The following LCMT1 variants were observed in gnomAD, a reference collection of about 807,000 sequenced individuals.
LCMT1 encodes [Phosphatase 2A protein]-leucine-carboxy methyltransferase 1.
In LCMT1, 32 loss-of-function variants were observed where a neutral mutation model predicts 47.7. The ratio of observed to expected loss-of-function variants is 0.67; its 90% CI spans 0.51 to 0.90. The LOEUF (loss-of-function observed/expected upper bound fraction) is 0.90. LCMT1 is among the 40% of genes least tolerant of loss of function. The probability of loss-of-function intolerance (pLI) is 0.00; values close to 1 mark genes in which losing one functional copy is unlikely to be tolerated. For missense variants in LCMT1, 375 were observed against 415.2 expected (o/e 0.90, Z 0.84); for synonymous variants, 152 against 149.7 (o/e 1.02, Z -0.11).
intron 7 of LCMT1, among the ~76,000 whole-genome samples, chr16:25,167,744 A>G (rs1302071314): frequency 6.6e-6 from 1 of 152,104 alleles, no homozygotes; most frequent in Non-Finnish European, 1.5e-5. Flanking sequence ...TGAATTTTAC[A>G]TATATTAACT....
Position 25,174,896 on chromosome 16 carries a change from A to G in LCMT1, c.885-41A>G, listed in dbSNP as rs146593494. On this transcript the variant is annotated intron_variant, in intron 9 of 10. Coordinates refer to ENST00000399069, the MANE Select transcript of LCMT1 (RefSeq NM_016309.3). ...CTATGGGCCATGATCTTCATTTTCA[A>G]TGCAGACACTTGCATCGTTCTATTT... The G allele has an allele frequency of 2.8e-4, 304 of 1,079,236 alleles. 1 individual carries two copies. Among genetic ancestry groups the G allele is most frequent in the African/African-American group, 7.6e-4 (48 of 63,078 alleles). The allele number at this position is 1,079,236 out of a possible 1,614,324, so 66.9% of individuals were successfully genotyped here.
chr16:25,175,281 G>A (rs1037392155), intron 10 of LCMT1, among the ~76,000 whole-genome samples: 1 of 151,928 alleles, frequency 6.6e-6, no homozygotes, highest in Non-Finnish European at 1.5e-5. Context: ...GACTACAGGA[G>A]CCTGGCTAAT....
chr16:25,170,324 A>G (rs1961718023), intron 8 of LCMT1, among the ~76,000 whole-genome samples: 1 of 152,144 alleles, frequency 6.6e-6, no homozygotes. Flanking sequence ...TTCTTCCTTT[A>G]TTTCTCTTTG....
intron 8 of LCMT1, among the ~76,000 whole-genome samples, chr16:25,170,226 AAATT>A (rs772111731): frequency 1.3e-5 from 2 of 152,100 alleles, no homozygotes; most frequent in East Asian, 1.9e-4. Flanking sequence ...TCTCAAAAAA[AAATT>A]AAATAAATAA....
intron 7 of LCMT1, among the ~76,000 whole-genome samples, chr16:25,168,324 C>T (rs1213197028): frequency 6.6e-6 from 1 of 152,086 alleles, no homozygotes; most frequent in African/African-American, 2.4e-5. Flanking sequence ...GCTGAGATTA[C>T]AGACATGGCC....
At chr16:25,159,673 G>A (rs1961361678) in intron 5 of LCMT1, among the ~76,000 whole-genome samples, 1 of 152,136 alleles carries the variant, frequency 6.6e-6, no homozygotes, top group Non-Finnish European at 1.5e-5. Flanking sequence ...AGGCTCTTAG[G>A]AGGTGTTTCT....
intron 1 of LCMT1, among the ~76,000 whole-genome samples, chr16:25,121,295 A>C (rs1959980022): frequency 6.6e-6 from 1 of 152,046 alleles, no homozygotes; most frequent in Non-Finnish European, 1.5e-5. Flanking sequence ...CTGTAATCCC[A>C]GCTGCTTGGG....
chr16:25,165,488 T>C (rs1961560959), intron 7 of LCMT1, among the ~76,000 whole-genome samples: 1 of 151,830 alleles, frequency 6.6e-6, no homozygotes, highest in Admixed American at 6.6e-5. Context: ...ATAACCCCTC[T>C]GTGCCTGTTT....
chr16:25,175,442 G>T (rs956782239), intron 10 of LCMT1, among the ~76,000 whole-genome samples: 2 of 149,124 alleles, frequency 1.3e-5, no homozygotes, highest in Non-Finnish European at 3.0e-5. Context: ...TGGCCAACAT[G>T]ATGAAACCCC....
At chr16:25,164,545 G>T (rs1961528994) in intron 6 of LCMT1, 53 bp from the exon 7 acceptor site, 2 of 1,611,320 alleles carry the variant, frequency 1.2e-6, no homozygotes, top group Non-Finnish European at 1.7e-6. Context: ...ACAATTAGAG[G>T]GTCCTGACTT....
rs1961678077 is a variant in LCMT1 at position 25,169,189 on chromosome 16, G to A, written c.768G>A (p.Glu256=). Residue 256 remains glutamate (E), a synonymous_variant, in exon 8 of 11, where the codon GAG becomes GAA. Coordinates refer to ENST00000399069, the MANE Select transcript of LCMT1 (RefSeq NM_016309.3). ...GCCAGTGTGACCTGGCGGGAGTGGAGACCTGCAAGTCATTAGAGTCACAGG... is the reference window on the plus strand; with the variant it reads ...GCCAGTGTGACCTGGCGGGAGTGGAAACCTGCAAGTCATTAGAGTCACAGG... ...RRRQCDLAGV[E]TCKSLESQKE... 2 of 1,612,562 alleles carry A rather than the reference G, an allele frequency of 1.2e-6. No individual in the cohort carries two copies. Among genetic ancestry groups the A allele is most frequent in the East Asian group, 4.5e-5 (2 of 44,870 alleles).
chr16:25,127,199 A>T (rs1442662978), intron 1 of LCMT1, among the ~76,000 whole-genome samples: 2 of 152,222 alleles, frequency 1.3e-5, no homozygotes, highest in African/African-American at 2.4e-5. Context: ...TATGTAATGC[A>T]TCCTATTTTT....
chr16:25,154,774 A>C (rs1189669244), intron 5 of LCMT1, among the ~76,000 whole-genome samples: 1 of 152,172 alleles, frequency 6.6e-6, no homozygotes, highest in Non-Finnish European at 1.5e-5. Context: ...GGTGTGAGCC[A>C]CTGCACCCGG....
intron 5 of LCMT1, among the ~76,000 whole-genome samples, chr16:25,153,505 G>A (rs919764072): frequency 1.2e-4 from 18 of 152,156 alleles, no homozygotes; most frequent in African/African-American, 4.1e-4. Context: ...CAAGCAAGTG[G>A]CATTAATTCA....
In LCMT1 at chr16:25,176,763, T is replaced by C. The variant is rs556074257; in HGVS notation, c.983-1238T>C. On this transcript the variant is annotated intron_variant, in intron 10 of 10. Coordinates refer to ENST00000399069, the MANE Select transcript of LCMT1 (RefSeq NM_016309.3). The stretch of plus-strand genomic sequence containing the variant: ...TTTTGGTAGAGATGGGGTTTCACCA[T>C]GTTGGCCAGGCTGGTCTCGAACTCC... Among the ~76,000 whole-genome samples the C allele has an allele frequency of 8.4e-3, 1,258 of 150,638 alleles. 14 individuals are homozygous for C. The highest frequency in any genetic ancestry group is 0.028 in the African/African-American group (1,170 of 41,280).
rs1959633530 is a variant in LCMT1 at position 25,111,986 on chromosome 16, C to T, written c.103C>T (p.Leu35=). 1 of 1,612,734 alleles carries T rather than the reference C, an allele frequency of 6.2e-7. No individual in the cohort carries two copies. Among genetic ancestry groups the T allele is most frequent in the Non-Finnish European group, 8.5e-7 (1 of 1,179,132 alleles). ...GCGCGGCACCTGCGAAGATGCTTCCCTGTGCAAGAGGTGCCTGTCGGGCGC... is the reference window on the plus strand; with the variant it reads ...GCGCGGCACCTGCGAAGATGCTTCCTTGTGCAAGAGGTGCCTGTCGGGCGC... ...GVRGTCEDAS[L]CKRFAVSIGY... Residue 35 remains leucine, a synonymous_variant, in exon 1 of 11, where the codon CTG becomes TTG. Coordinates refer to ENST00000399069, the MANE Select transcript of LCMT1 (RefSeq NM_016309.3).
chr16:25,117,190 T>G (rs1959819194), intron 1 of LCMT1, among the ~76,000 whole-genome samples: 1 of 152,210 alleles, frequency 6.6e-6, no homozygotes, highest in Non-Finnish European at 1.5e-5. Flanking sequence ...AAGGGACATC[T>G]TCCTCTCTTT....
At chr16:25,113,882 C>T (rs1008439476) in intron 1 of LCMT1, among the ~76,000 whole-genome samples, 1 of 152,204 alleles carries the variant, frequency 6.6e-6, no homozygotes, top group African/African-American at 2.4e-5. Context: ...GTGATCCGCT[C>T]GCCTTGGTCT....
At chr16:25,120,415 C>T (rs1376216767) in intron 1 of LCMT1, among the ~76,000 whole-genome samples, 6 of 142,646 alleles carry the variant, frequency 4.2e-5, no homozygotes, top group African/African-American at 1.6e-4. Flanking sequence ...TTTTTGATTT[C>T]TTTTTTTTTC....
Sources: gnomAD v4.1 joint callset for allele counts (sites outside exome capture counted in the v4.1 genomes callset) on GRCh38, gnomAD v4.1.1 for gene constraint, MANE v1.5 for transcripts, NCBI Gene and HGNC (gene_info 2026-07-23, HGNC 2026-07-21) for gene names.